Variants in MTOR observed in about 807,000 individuals in gnomAD.
MTOR encodes serine/threonine-protein kinase mTOR.
Under a neutral mutation model 319.8 loss-of-function variants are expected in MTOR, and 70 were observed. The observed-to-expected ratio is 0.22, with a 90% confidence interval of 0.18 to 0.27. The LOEUF is 0.27. Among genes scored for constraint, MTOR ranks in the 10% least tolerant of loss-of-function variants. The probability of loss-of-function intolerance (pLI) is 1.00; values close to 1 mark genes in which losing one functional copy is unlikely to be tolerated. For synonymous variants in MTOR, 1,183 were observed against 1,211.4 expected, an observed-to-expected ratio of 0.98 and a Z score of 0.49; for missense variants, 1,890 against 3,274.4, an observed-to-expected ratio of 0.58 and a Z score of 10.32.
intron 36 of MTOR, chr1:11,138,856 C>T (rs181532226): frequency 6.5e-6 from 1 of 154,754 alleles, no homozygotes; most frequent in African/African-American, 2.4e-5. Flanking sequence ...AACTTTCCCT[C>T]CTGGTTTCAG....
Position 11,114,010 on chromosome 1 carries a change from A to T in MTOR, c.7300+308T>A, listed in dbSNP as rs1148478. On this transcript the variant is annotated intron_variant, in intron 53 of 57. Transcript: ENST00000361445. ...TCTTCTGCCCCCAAGTGAAGAAGGA[A>T]GTGTTTGCTTCCCCTCCCACCATGA... Among the ~76,000 whole-genome samples, 109,659 of 151,834 alleles carry T rather than the reference A, an allele frequency of 0.72. 40,328 individuals are homozygous for T. The highest frequency in any genetic ancestry group is 0.94 in the East Asian group (4,837 of 5,168).
rs138694855 is a variant in MTOR, at chr1:11,113,475, C to A, written c.7301-558G>T. Among the ~76,000 whole-genome samples the A allele has an allele frequency of 7.8e-3, 1,182 of 152,302 alleles. 21 individuals are homozygous for A. The highest frequency in any genetic ancestry group is 0.027 in the African/African-American group (1,116 of 41,560). On this transcript the variant is annotated intron_variant, in intron 53 of 57. Transcript: ENST00000361445. ...CAATAGCTCTGCAATGTATCCCAGGCTGCAGGCTTGAAGGGGCATAGGTTT... is the reference window on the plus strand; with the variant it reads ...CAATAGCTCTGCAATGTATCCCAGGATGCAGGCTTGAAGGGGCATAGGTTT...
At chr1:11,110,178 A>C (rs1211679961) in intron 54 of MTOR, among the ~76,000 whole-genome samples, 1 of 152,140 alleles carries the variant, frequency 6.6e-6, no homozygotes, top group African/African-American at 2.4e-5. Context: ...TTGGACAAAA[A>C]CTGATAAAGA....
intron 19 of MTOR, among the ~76,000 whole-genome samples, chr1:11,223,169 CTT>C (rs79432739): frequency 1.4e-4 from 20 of 139,012 alleles, no homozygotes; most frequent in Admixed American, 2.9e-4. Flanking sequence ...AAATACATGA[CTT>C]TTTTTTTTTT....
chr1:11,224,307 G>A (rs1384597000), intron 19 of MTOR, among the ~76,000 whole-genome samples: 3 of 151,948 alleles, frequency 2.0e-5, no homozygotes, highest in South Asian at 2.1e-4. Flanking sequence ...CGTAAAATAC[G>A]TTTTAAGGTA....
At chr1:11,198,457 C>T (rs552583844) in intron 28 of MTOR, among the ~76,000 whole-genome samples, 2 of 152,286 alleles carry the variant, frequency 1.3e-5, no homozygotes, top group African/African-American at 4.8e-5. Flanking sequence ...GAGGCTCTAT[C>T]CTCCTTTGAT....
chr1:11,136,112 T>C (rs1643405111), intron 36 of MTOR, among the ~76,000 whole-genome samples: 1 of 152,074 alleles, frequency 6.6e-6, no homozygotes, highest in Admixed American at 6.6e-5. Context: ...CCAGTTTGGG[T>C]GACAAGAGCG....
intron 19 of MTOR, among the ~76,000 whole-genome samples, chr1:11,219,987 C>T (rs1244488430): frequency 7.1e-6 from 1 of 140,342 alleles, no homozygotes; most frequent in South Asian, 2.3e-4. Context: ...TAACCGAGAT[C>T]GTACCACTGC....
rs749681771 is a variant in MTOR at position 11,231,083 on chromosome 1, A to G, written c.2650-29T>C. The G allele has an allele frequency of 6.2e-6, 10 of 1,614,116 alleles. No individual in the cohort carries two copies. The East Asian group carries it at 1.1e-4, about 18-fold the overall frequency. On this transcript the variant is annotated intron_variant, in intron 17 of 57. Transcript: ENST00000361445. Reference sequence around the variant, plus strand: ...CGTGGGAAAGGGGAGGGAAAAAAGAAAACATTCATCACAACATGATTACAA... The same window carrying G: ...CGTGGGAAAGGGGAGGGAAAAAAGAGAACATTCATCACAACATGATTACAA...
intron 11 of MTOR, among the ~76,000 whole-genome samples, chr1:11,240,088 T>A (rs998643420): frequency 6.6e-6 from 1 of 152,118 alleles, no homozygotes; most frequent in Non-Finnish European, 1.5e-5. Context: ...ATACTTTCCC[T>A]CAAACCATTT....
intron 31 of MTOR, chr1:11,149,556 T>A (rs1478822280): frequency 6.6e-6 from 1 of 152,410 alleles, no homozygotes; most frequent in African/African-American, 2.4e-5. Flanking sequence ...AAGTAAAGTG[T>A]CTCCTTTTGT....
intron 25 of MTOR, among the ~76,000 whole-genome samples, chr1:11,206,939 A>G (rs1646155897): frequency 6.6e-6 from 1 of 152,264 alleles, no homozygotes; most frequent in African/African-American, 2.4e-5. Flanking sequence ...TCTGTATCAC[A>G]TAAATCTAAT....
intron 2 of MTOR, 44 bp downstream of exon 2, chr1:11,259,204 A>G: frequency 2.5e-6 from 4 of 1,595,882 alleles, no homozygotes; most frequent in Non-Finnish European, 3.4e-6. Flanking sequence ...TGGTACATTT[A>G]GCCCACACAT....
intron 20 of MTOR, among the ~76,000 whole-genome samples, chr1:11,215,636 T>A (rs2100804718): frequency 6.6e-6 from 1 of 152,314 alleles, no homozygotes; most frequent in South Asian, 2.1e-4. Flanking sequence ...TAATGCATGT[T>A]ATAAAATCCT....
chr1:11,253,936 G>A lies in MTOR; in HGVS notation c.743C>T (p.Thr248Ile), dbSNP rs377679898. The A allele has an allele frequency of 2.4e-5, 39 of 1,613,870 alleles. No homozygotes were observed. The Middle Eastern group carries it at 6.6e-4, about 27-fold the overall frequency. ...FEEAEKGFDE[T>I]LAKEKGMNRD... is the part of the protein sequence containing the mutation. ...ATTCATGCCCTTCTCTTTGGCCAAG[G>A]TCTCATCAAATCCCTTCTCTGCTTC... is the stretch of plus-strand genomic sequence containing the variant. The change falls in exon 6 of 58, where the codon ACC becomes ATC. Residue 248 changes from threonine (T) to isoleucine (I), a missense_variant. Physicochemically the swap from Thr to Ile is moderately conservative, Grantham distance 89 (BLOSUM62 -1). Coordinates refer to ENST00000361445, the MANE Select transcript of MTOR (RefSeq NM_004958.4).
chr1:11,182,037 G>C (rs780292469), intron 28 of MTOR, among the ~76,000 whole-genome samples: 17 of 151,804 alleles, frequency 1.1e-4, no homozygotes, highest in Admixed American at 1.0e-3. Flanking sequence ...GACCGACATG[G>C]AGAAACCCCC....
rs1643028485 is a variant in MTOR at position 11,129,870 on chromosome 1, T to C, written c.5614-32A>G. 1 of 1,583,680 alleles carries C rather than the reference T, an allele frequency of 6.3e-7. No homozygotes were observed. The highest frequency in any genetic ancestry group is 2.2e-5 in the East Asian group (1 of 44,714). On this transcript the variant is annotated intron_variant, in intron 39 of 57. Transcript: ENST00000361445. This position sits in a 1 kb window ranked among gnomAD's most constrained non-coding sequence, Gnocchi z 4.7. Reference sequence around the variant, plus strand: ...GAACACACACGTGTTAGCGACACTCTTGCCTCTGCTTTCTCATCTGTAAAA... The same window carrying C: ...GAACACACACGTGTTAGCGACACTCCTGCCTCTGCTTTCTCATCTGTAAAA...
chr1:11,112,731 C>A, intron 54 of MTOR, 121 bp downstream of exon 54: 3 of 1,040,674 alleles, frequency 2.9e-6, no homozygotes, highest in Non-Finnish European at 4.4e-6. Flanking sequence ...AAACACTCTG[C>A]ACAAGGGGGA....
At position 11,115,700 on chromosome 1, in the gene MTOR, T is replaced by C; in HGVS notation, c.7017-232A>G. ...CTACGACAGCAGAGCTGACTAGTTGTGACAGAGACCAAAGGGCCCACAAAG... is the reference window on the plus strand; with the variant it reads ...CTACGACAGCAGAGCTGACTAGTTGCGACAGAGACCAAAGGGCCCACAAAG... On this transcript the variant is annotated intron_variant, in intron 50 of 57. Coordinates refer to ENST00000361445, the MANE Select transcript of MTOR (RefSeq NM_004958.4). This position sits in a 1 kb window ranked among gnomAD's most constrained non-coding sequence, Gnocchi z 4.5. The C allele has an allele frequency of 2.0e-6, 1 of 495,830 alleles. No homozygotes were observed. The highest frequency in any genetic ancestry group is 3.7e-6 in the Non-Finnish European group (1 of 272,512). 30.7% of individuals were successfully genotyped at this position (495,830 alleles called of 1,614,324 possible).
Sources: allele counts gnomAD v4.1 joint callset (sites outside exome capture counted in the v4.1 genomes callset), GRCh38; gene constraint gnomAD v4.1.1; non-coding constraint Gnocchi (gnomAD v3.1); transcripts MANE v1.5; gene names NCBI Gene and HGNC (gene_info 2026-07-23, HGNC 2026-07-21).